ABTB3: variants seen among roughly 807,000 people sequenced by gnomAD.
ABTB3 encodes ankyrin repeat and BTB domain containing 3, also known as ankyrin repeat- and BTB/POZ domain-containing protein 3.
At chr12:107,355,548 A>G in the ABTB3 span, among the ~76,000 whole-genome samples, 1 of 152,068 alleles carries the variant, frequency 6.6e-6, no homozygotes, top group East Asian at 1.9e-4. Flanking sequence ...TGCCACCCTC[A>G]TCCCCCACCC....
the ABTB3 span, among the ~76,000 whole-genome samples, chr12:107,424,575 G>T: frequency 6.6e-6 from 1 of 152,192 alleles, no homozygotes; most frequent in African/African-American, 2.4e-5. Flanking sequence ...CTTTGAATGC[G>T]TGGCTCCATC....
At chr12:107,408,704 C>A in the ABTB3 span, among the ~76,000 whole-genome samples, 9 of 152,240 alleles carry the variant, frequency 5.9e-5, no homozygotes, top group African/African-American at 1.9e-4. Context: ...TATCTTGAGA[C>A]CACCCCTGGC....
At chr12:107,469,540 C>T in the ABTB3 span, among the ~76,000 whole-genome samples, 5 of 152,074 alleles carry the variant, frequency 3.3e-5, no homozygotes, top group African/African-American at 7.2e-5. Flanking sequence ...GGACAGTGCC[C>T]GTCATGTACG....
chr12:107,603,800 AC>A, the ABTB3 span, among the ~76,000 whole-genome samples: 14 of 152,220 alleles, frequency 9.2e-5, no homozygotes, highest in Non-Finnish European at 1.8e-4. Flanking sequence ...TGCAAATCAT[AC>A]ATCTGATATG....
At chr12:107,346,051 G>A in the ABTB3 span, among the ~76,000 whole-genome samples, 1 of 152,216 alleles carries the variant, frequency 6.6e-6, no homozygotes, top group Non-Finnish European at 1.5e-5. Flanking sequence ...TTGTCATTAA[G>A]TAGCACAATC....
chr12:107,641,376 G>T, the ABTB3 span, among the ~76,000 whole-genome samples: 1 of 151,902 alleles, frequency 6.6e-6, no homozygotes, highest in East Asian at 1.9e-4. Context: ...CTGGGTGAGG[G>T]GTAAACAGGA....
At chr12:107,606,472 A>C in the ABTB3 span, among the ~76,000 whole-genome samples, 1 of 152,162 alleles carries the variant, frequency 6.6e-6, no homozygotes, top group African/African-American at 2.4e-5. Flanking sequence ...CTGTGAACAC[A>C]GGGTCTGTGT....
At chr12:107,345,310 T>C in the ABTB3 span, among the ~76,000 whole-genome samples, 2 of 152,216 alleles carry the variant, frequency 1.3e-5, no homozygotes, top group Non-Finnish European at 2.9e-5. Context: ...CCAAGGCTAT[T>C]CATAAGGCAA....
the ABTB3 span, chr12:107,520,489 G>T: frequency 3.7e-6 from 6 of 1,613,738 alleles, no homozygotes; most frequent in Admixed American, 3.3e-5. Flanking sequence ...GACTGCAGGG[G>T]TGCTGTGCCT....
chr12:107,623,130 G>A, the ABTB3 span, among the ~76,000 whole-genome samples: 27 of 146,222 alleles, frequency 1.8e-4, no homozygotes, highest in African/African-American at 5.4e-4. Flanking sequence ...GTGCAATCTC[G>A]GCTCACTGCA....
chr12:107,469,942 C>CTCTTTCTT, the ABTB3 span, among the ~76,000 whole-genome samples: 593 of 59,322 alleles, frequency 1.0e-2, 36 homozygotes, highest in Non-Finnish European at 0.013. Context: ...CTCTTTCTTT[C>CTCTTTCTT]TCTTTCTTTC....
the ABTB3 span, among the ~76,000 whole-genome samples, chr12:107,493,417 C>A: frequency 1.3e-5 from 2 of 152,144 alleles, no homozygotes; most frequent in East Asian, 3.9e-4. Context: ...GCAACGTTTT[C>A]CCAGCAAACG....
chr12:107,519,026 G>A, the ABTB3 span, among the ~76,000 whole-genome samples: 1 of 152,208 alleles, frequency 6.6e-6, no homozygotes, highest in African/African-American at 2.4e-5. Context: ...CCCAAACGCA[G>A]CACAATGTCT....
chr12:107,498,329 G>A, the ABTB3 span, among the ~76,000 whole-genome samples: 1 of 152,150 alleles, frequency 6.6e-6, no homozygotes, highest in Non-Finnish European at 1.5e-5. Context: ...GAAGATAAGC[G>A]ATGCTCATTT....
At chr12:107,485,958 C>G in the ABTB3 span, among the ~76,000 whole-genome samples, 3 of 152,176 alleles carry the variant, frequency 2.0e-5, no homozygotes, top group Non-Finnish European at 4.4e-5. Context: ...CTAGTGCAAG[C>G]AAAACAAACT....
chr12:107,413,448 A>G, the ABTB3 span, among the ~76,000 whole-genome samples: 34 of 152,264 alleles, frequency 2.2e-4, no homozygotes, highest in South Asian at 6.8e-3. Flanking sequence ...ACTGTTGGAT[A>G]TTATTCATCC....
At chr12:107,643,773 T>TGAGA in the ABTB3 span, among the ~76,000 whole-genome samples, 1 of 137,180 alleles carries the variant, frequency 7.3e-6, no homozygotes, top group African/African-American at 2.9e-5. Flanking sequence ...TTTTTTTTGT[T>TGAGA]GAGAGAGAGA....
the ABTB3 span, among the ~76,000 whole-genome samples, chr12:107,385,749 C>T: frequency 6.6e-6 from 1 of 152,166 alleles, no homozygotes; most frequent in African/African-American, 2.4e-5. Context: ...CGTGCACCCC[C>T]CCAAGCCCTG....
At chr12:107,367,509 GTATT>G in the ABTB3 span, among the ~76,000 whole-genome samples, 1 of 151,632 alleles carries the variant, frequency 6.6e-6, no homozygotes, top group Non-Finnish European at 1.5e-5. Flanking sequence ...TTATTTTTAT[GTATT>G]TATTTATTTT....
Sources: gnomAD v4.1 joint callset for allele counts (sites outside exome capture counted in the v4.1 genomes callset) on GRCh38, gnomAD v4.1.1 for gene constraint, MANE v1.5 for transcripts, NCBI Gene and HGNC (gene_info 2026-07-23, HGNC 2026-07-21) for gene names.